SLC16A10: variants seen among roughly 807,000 people sequenced by gnomAD.
The protein encoded by SLC16A10 is solute carrier family 16 member 10, also known as monocarboxylate transporter 10.
Under a neutral mutation model 40.0 loss-of-function variants are expected in SLC16A10, and 27 were observed. The observed-to-expected ratio is 0.67, with a 90% confidence interval of 0.50 to 0.93. The LOEUF (loss-of-function observed/expected upper bound fraction) is 0.93. SLC16A10 is among the 40% of genes least tolerant of loss of function. SLC16A10 has a pLI of 0.00. For synonymous variants in SLC16A10, 213 were observed against 249.8 expected, an observed-to-expected ratio of 0.85 and a Z score of 1.39; for missense variants, 529 against 658.2, an observed-to-expected ratio of 0.80 and a Z score of 2.15.
intron 1 of SLC16A10, among the ~76,000 whole-genome samples, chr6:111,114,703 G>A (rs957590904): frequency 9.9e-5 from 15 of 152,044 alleles, no homozygotes; most frequent in African/African-American, 3.6e-4. Flanking sequence ...GAAATGGAGG[G>A]GGGAGGCCAG....
intron 1 of SLC16A10, among the ~76,000 whole-genome samples, chr6:111,158,237 T>C (rs1000604701): frequency 1.4e-4 from 21 of 152,208 alleles, no homozygotes; most frequent in African/African-American, 5.1e-4. Context: ...AATATTTATT[T>C]ATTTTTATTA....
intron 1 of SLC16A10, among the ~76,000 whole-genome samples, chr6:111,158,072 GT>G (rs1772304367): frequency 6.6e-6 from 1 of 151,982 alleles, no homozygotes; most frequent in African/African-American, 2.4e-5. Context: ...TTTATTTAAT[GT>G]TTTAAAAGAG....
At chr6:111,197,726 C>G (rs1583357405) in intron 3 of SLC16A10, among the ~76,000 whole-genome samples, 1 of 151,960 alleles carries the variant, frequency 6.6e-6, no homozygotes, top group East Asian at 1.9e-4. Context: ...TCTCGGGGAG[C>G]TTTTACTCAT....
chr6:111,149,542 A>G (rs1772136924), intron 1 of SLC16A10, among the ~76,000 whole-genome samples: 1 of 152,226 alleles, frequency 6.6e-6, no homozygotes, highest in Non-Finnish European at 1.5e-5. Flanking sequence ...TTAATTTTTT[A>G]TGATTATCAA....
At chr6:111,106,888 C>T (rs147366117) in intron 1 of SLC16A10, among the ~76,000 whole-genome samples, 26 of 152,268 alleles carry the variant, frequency 1.7e-4, no homozygotes, top group Non-Finnish European at 3.8e-4. Flanking sequence ...TTTCCTCTAG[C>T]TGGGGATTAA....
chr6:111,179,778 A>G (rs1772755814), intron 3 of SLC16A10, among the ~76,000 whole-genome samples: 1 of 152,170 alleles, frequency 6.6e-6, no homozygotes, highest in African/African-American at 2.4e-5. Flanking sequence ...GACATTGTTC[A>G]TTTGAGATTT....
At chr6:111,108,821 T>A (rs979718156) in intron 1 of SLC16A10, among the ~76,000 whole-genome samples, 1 of 152,182 alleles carries the variant, frequency 6.6e-6, no homozygotes, top group African/African-American at 2.4e-5. Context: ...CATAACAAAC[T>A]TCACCTGCTT....
chr6:111,145,708 G>C (rs190684918), intron 1 of SLC16A10, among the ~76,000 whole-genome samples: 1 of 152,096 alleles, frequency 6.6e-6, no homozygotes, highest in Non-Finnish European at 1.5e-5. Flanking sequence ...AATCAGCCGG[G>C]CATGGCAGTG....
rs201192788 is a variant in SLC16A10 at position 111,107,171 on chromosome 6, G to GA, written c.343+19084dup. Among the ~76,000 whole-genome samples the GA allele has an allele frequency of 2.6e-3, 388 of 151,920 alleles. 3 individuals are homozygous for GA. The highest frequency in any genetic ancestry group is 8.9e-3 in the African/African-American group (367 of 41,458). On this transcript the variant is annotated intron_variant, in intron 1 of 5. Transcript: ENST00000368851. ...AGTTCATGGAAAAAATGTACACTAT[G>GA]AAAAAAAACTGTGCATGGATTTCAA...
At chr6:111,194,228 CT>C (rs1248616478) in intron 3 of SLC16A10, among the ~76,000 whole-genome samples, 2 of 152,054 alleles carry the variant, frequency 1.3e-5, no homozygotes, top group Non-Finnish European at 2.9e-5. Flanking sequence ...TCTTCAAGTG[CT>C]TTTTTTCTTT....
intron 1 of SLC16A10, among the ~76,000 whole-genome samples, chr6:111,094,150 C>G (rs908163975): frequency 6.6e-6 from 1 of 152,166 alleles, no homozygotes; most frequent in Admixed American, 6.5e-5. Context: ...AAATTGTACT[C>G]TGCTTTTGAT....
At chr6:111,092,926 A>G (rs1301621434) in intron 1 of SLC16A10, among the ~76,000 whole-genome samples, 1 of 151,728 alleles carries the variant, frequency 6.6e-6, no homozygotes, top group African/African-American at 2.4e-5. Flanking sequence ...GTGTAATCCC[A>G]GCTATTCGGG....
At chr6:111,194,065 A>G (rs1049241432) in intron 3 of SLC16A10, among the ~76,000 whole-genome samples, 6 of 152,180 alleles carry the variant, frequency 3.9e-5, no homozygotes, top group African/African-American at 1.4e-4. Context: ...TAGCCCCAGC[A>G]CCTAGAATGT....
intron 1 of SLC16A10, among the ~76,000 whole-genome samples, chr6:111,163,214 G>A (rs987914642): frequency 1.4e-5 from 2 of 146,948 alleles, no homozygotes; most frequent in South Asian, 4.4e-4. Flanking sequence ...GTGCAGTGGC[G>A]GGATCTCGGC....
At chr6:111,097,851 G>A (rs1274847654) in intron 1 of SLC16A10, among the ~76,000 whole-genome samples, 2 of 152,140 alleles carry the variant, frequency 1.3e-5, no homozygotes, top group African/African-American at 4.8e-5. Context: ...CCTTTAGATA[G>A]TTAAGTCTAA....
chr6:111,130,475 C>T (rs1771760807), intron 1 of SLC16A10, among the ~76,000 whole-genome samples: 4 of 152,134 alleles, frequency 2.6e-5, no homozygotes, highest in Admixed American at 2.6e-4. Flanking sequence ...ATGGACTCCC[C>T]CTTTTTGGGG....
At chr6:111,215,414 TA>T (rs34294985) in intron 4 of SLC16A10, among the ~76,000 whole-genome samples, 99,582 of 127,980 alleles carry the variant, frequency 0.78, 38,227 homozygotes, top group Middle Eastern at 0.81. Flanking sequence ...GTACTGGTGT[TA>T]AAAAAAAAAA....
At chr6:111,099,775 C>T (rs1771140699) in intron 1 of SLC16A10, among the ~76,000 whole-genome samples, 1 of 152,104 alleles carries the variant, frequency 6.6e-6, no homozygotes, top group African/African-American at 2.4e-5. Flanking sequence ...GTAATCCCAT[C>T]ACTTTGGGAG....
At position 111,222,238 on chromosome 6, in the gene SLC16A10, T is replaced by C. The variant is rs1223876160; in HGVS notation, c.*3T>C. 3 of 1,595,914 alleles carry C rather than the reference T, an allele frequency of 1.9e-6. No homozygotes were observed. The highest frequency in any genetic ancestry group is 2.6e-6 in the Non-Finnish European group (3 of 1,175,246). ...AAGAATCTGACTCTATTATTTAATA[T>C]CTTACATACCTCCACCAGACTGGAC... On this transcript the variant is annotated 3_prime_UTR_variant, in exon 6 of 6. Transcript: ENST00000368851.
Sources: gnomAD v4.1 joint callset for allele counts (sites outside exome capture counted in the v4.1 genomes callset) on GRCh38, gnomAD v4.1.1 for gene constraint, MANE v1.5 for transcripts, NCBI Gene and HGNC (gene_info 2026-07-23, HGNC 2026-07-21) for gene names.